GRIK3: variants seen among roughly 807,000 people sequenced by gnomAD.
The protein encoded by GRIK3 is glutamate receptor ionotropic, kainate 3.
Under a neutral mutation model 102.5 loss-of-function variants are expected in GRIK3, and 29 were observed. The ratio of observed to expected loss-of-function variants is 0.28; its 90% CI spans 0.21 to 0.39. The LOEUF (loss-of-function observed/expected upper bound fraction) is 0.39, where lower values mean the gene tolerates loss of function less well. Ranked by LOEUF, GRIK3 falls within the 10% of genes least tolerant of loss-of-function variation. GRIK3 has a pLI of 1.00. For missense variants in GRIK3, 908 were observed against 1,252.4 expected, an observed-to-expected ratio of 0.73 and a Z score of 4.15; for synonymous variants, 511 against 504.9, an observed-to-expected ratio of 1.01 and a Z score of -0.16.
intron 1 of GRIK3, among the ~76,000 whole-genome samples, chr1:36,943,488 T>C (rs938194537): frequency 1.3e-5 from 2 of 152,220 alleles, no homozygotes; most frequent in African/African-American, 2.4e-5. Context: ...ACCAGCAAGG[T>C]TATTTTCAGG....
intron 10 of GRIK3, among the ~76,000 whole-genome samples, chr1:36,832,082 GCTCTA>G (rs1557696087): frequency 0.027 from 9 of 336 alleles, no homozygotes; most frequent in African/African-American, 0.071. Context: ...CCTGGCGACT[GCTCTA>G]CTGCTCTCAT....
At chr1:36,822,285 A>G (rs1642703327) in intron 11 of GRIK3, among the ~76,000 whole-genome samples, 1 of 152,224 alleles carries the variant, frequency 6.6e-6, no homozygotes, top group Non-Finnish European at 1.5e-5. Context: ...GGAACTGCTT[A>G]TCATGATAAA....
intron 9 of GRIK3, among the ~76,000 whole-genome samples, chr1:36,849,432 T>C (rs1640555700): frequency 6.6e-6 from 1 of 152,254 alleles, no homozygotes; most frequent in Admixed American, 6.5e-5. Flanking sequence ...ATGGTCCTTA[T>C]AAATATATTT....
Position 36,841,957 on chromosome 1 carries a change from C to T in GRIK3, c.1327-18G>A, listed in dbSNP as rs1640458966. 6.2e-7 allele frequency: 1 copy of T among 1,607,662 alleles called. No individual in the cohort carries two copies. The highest frequency in any genetic ancestry group is 1.3e-5 in the African/African-American group (1 of 74,932). On this transcript the variant is annotated intron_variant, in intron 9 of 15. Coordinates refer to ENST00000373091, the MANE Select transcript of GRIK3 (RefSeq NM_000831.4). ...GGCTCCTCCTGCAGAGACAGATGGGCAGGGTGTGACGAAGACTGAGCAGCT... is the reference window on the plus strand; with the variant it reads ...GGCTCCTCCTGCAGAGACAGATGGGTAGGGTGTGACGAAGACTGAGCAGCT...
At position 37,032,367 on chromosome 1, in the gene GRIK3, A is replaced by T. The variant is rs1431870105; in HGVS notation, c.115+1627T>A. Among the ~76,000 whole-genome samples the T allele has an allele frequency of 5.3e-5, 8 of 152,110 alleles. No individual in the cohort carries two copies. The South Asian group carries it at 1.0e-3, about 20-fold the overall frequency. On this transcript the variant is annotated intron_variant, in intron 1 of 15. Transcript: ENST00000373091. Reference sequence around the variant, plus strand: ...GGAAAAGGGAACTGCAATCCGTGCGATGGGCAAATAGCACCCTCTCAGTCC... The same window carrying T: ...GGAAAAGGGAACTGCAATCCGTGCGTTGGGCAAATAGCACCCTCTCAGTCC...
chr1:36,968,299 A>G (rs1014937460), intron 1 of GRIK3, among the ~76,000 whole-genome samples: 2 of 149,536 alleles, frequency 1.3e-5, no homozygotes, highest in East Asian at 3.9e-4. Context: ...TGCTCCCTCC[A>G]TAGATTTATT....
At chr1:36,871,638 G>A (rs915250838) in intron 4 of GRIK3, among the ~76,000 whole-genome samples, 5 of 152,190 alleles carry the variant, frequency 3.3e-5, no homozygotes, top group Admixed American at 2.0e-4. Flanking sequence ...GGGAACGAAG[G>A]CCCATCCAGG....
rs139921176 is a variant in GRIK3, at chr1:36,996,496, C to T, written c.115+37498G>A. 5.1e-3 allele frequency among the ~76,000 whole-genome samples: 774 copies of T among 152,276 alleles called. 7 individuals are homozygous for T. Among genetic ancestry groups the T allele is most frequent in the Non-Finnish European group, 6.2e-3 (423 of 68,028 alleles). On this transcript the variant is annotated intron_variant, in intron 1 of 15. Transcript: ENST00000373091. ...CAAAACCGGGACAAGCCAAGACACG[C>T]GGGGCAGCTGACCTGCAGGTCCTAA...
Position 36,915,174 on chromosome 1 carries a change from G to A in GRIK3, c.116-24078C>T, listed in dbSNP as rs565648623. 1.6e-4 allele frequency among the ~76,000 whole-genome samples: 24 copies of A among 152,274 alleles called. 1 individual carries two copies. In the South Asian group the frequency reaches 5.0e-3, roughly 32 times the overall value. The stretch of plus-strand genomic sequence containing the variant: ...GGGCATACAGCAGATAAACAGTAGG[G>A]GAGACCTCTGCCACTGTGACACCTT... On this transcript the variant is annotated intron_variant, in intron 1 of 15. Coordinates refer to ENST00000373091, the MANE Select transcript of GRIK3 (RefSeq NM_000831.4).
At chr1:36,936,278 T>G (rs947920989) in intron 1 of GRIK3, among the ~76,000 whole-genome samples, 3 of 152,176 alleles carry the variant, frequency 2.0e-5, no homozygotes, top group Admixed American at 6.5e-5. Context: ...AATCAGGGGA[T>G]GGCAAGGGGG....
chr1:36,816,283 C>T (rs1425320534), intron 13 of GRIK3, among the ~76,000 whole-genome samples: 1 of 152,184 alleles, frequency 6.6e-6, no homozygotes, highest in Non-Finnish European at 1.5e-5. Context: ...TTAAATGAGG[C>T]CCAGCATTTA....
At chr1:36,823,751 C>T (rs1476694336) in intron 11 of GRIK3, among the ~76,000 whole-genome samples, 1 of 152,128 alleles carries the variant, frequency 6.6e-6, no homozygotes, top group East Asian at 1.9e-4. Flanking sequence ...GTTTGTCATC[C>T]TTGATATAAA....
chr1:36,907,293 G>A (rs1005377189), intron 1 of GRIK3, among the ~76,000 whole-genome samples: 1 of 152,180 alleles, frequency 6.6e-6, no homozygotes, highest in African/African-American at 2.4e-5. Context: ...CAAGGAGGAA[G>A]GCCTAAGAGA....
chr1:37,008,617 G>A (rs1642556649), intron 1 of GRIK3, among the ~76,000 whole-genome samples: 1 of 152,208 alleles, frequency 6.6e-6, no homozygotes, highest in African/African-American at 2.4e-5. Flanking sequence ...ACACAGGAGG[G>A]TGGGCAGGTC....
intron 1 of GRIK3, among the ~76,000 whole-genome samples, chr1:36,908,549 T>C (rs761246022): frequency 9.8e-5 from 15 of 152,294 alleles, no homozygotes; most frequent in Admixed American, 2.6e-4. Flanking sequence ...CTGCCCCCCT[T>C]TCCACTGGCT....
chr1:37,018,554 C>T (rs761947444), intron 1 of GRIK3, among the ~76,000 whole-genome samples: 3 of 152,182 alleles, frequency 2.0e-5, no homozygotes, highest in Non-Finnish European at 4.4e-5. Context: ...GCTTACTGCA[C>T]CTTATTTCTC....
At chr1:36,811,063 C>T (rs923411335) in intron 13 of GRIK3, among the ~76,000 whole-genome samples, 4 of 152,230 alleles carry the variant, frequency 2.6e-5, no homozygotes, top group African/African-American at 9.7e-5. Flanking sequence ...CTTTCCATAT[C>T]TGTAAAACGG....
chr1:36,876,680 C>G (rs914508981), intron 3 of GRIK3, among the ~76,000 whole-genome samples: 1 of 152,170 alleles, frequency 6.6e-6, no homozygotes, highest in Admixed American at 6.5e-5. Flanking sequence ...GGAGTATTTC[C>G]CACTCCATGG....
At chr1:36,931,842 G>C (rs1176225092) in intron 1 of GRIK3, among the ~76,000 whole-genome samples, 1 of 152,168 alleles carries the variant, frequency 6.6e-6, no homozygotes. Flanking sequence ...CCTGGTTGGG[G>C]CTGACTTTGT....
Sources: allele counts gnomAD v4.1 joint callset (sites outside exome capture counted in the v4.1 genomes callset), GRCh38; gene constraint gnomAD v4.1.1; transcripts MANE v1.5; gene names NCBI Gene and HGNC (gene_info 2026-07-23, HGNC 2026-07-21).